WARS1: variants seen among roughly 807,000 people sequenced by gnomAD.
The protein encoded by WARS1 is tryptophan--tRNA ligase, cytoplasmic.
In WARS1, 17 loss-of-function variants were observed where a neutral mutation model predicts 47.8. That is an observed-to-expected ratio of 0.36 (90% CI 0.24 to 0.53). WARS1 has a LOEUF of 0.53. Ranked by LOEUF, WARS1 falls within the 20% of genes least tolerant of loss-of-function variation. The probability of loss-of-function intolerance (pLI) is 0.91; values close to 1 mark genes in which losing one functional copy is unlikely to be tolerated. For synonymous variants in WARS1, 208 were observed against 228.1 expected, an observed-to-expected ratio of 0.91 and a Z score of 0.79; for missense variants, 434 against 608.0, an observed-to-expected ratio of 0.71 and a Z score of 3.01.
intron 9 of WARS1, among the ~76,000 whole-genome samples, chr14:100,337,413 G>C (rs1383561087): frequency 6.6e-6 from 1 of 152,160 alleles, no homozygotes; most frequent in Non-Finnish European, 1.5e-5. Context: ...AGCTACTGTG[G>C]GGCTCACTGC....
rs1310015675 is a variant in WARS1, at chr14:100,351,869, T to C, written c.725+1818A>G. On this transcript the variant is annotated intron_variant, in intron 6 of 10. Transcript: ENST00000392882. ...TTAGCCGGACATGGTGGCGGGCACCTGTAGTCCCAGCTACTTGGGAGGCTG... is the reference window on the plus strand; with the variant it reads ...TTAGCCGGACATGGTGGCGGGCACCCGTAGTCCCAGCTACTTGGGAGGCTG... 2.6e-5 allele frequency among the ~76,000 whole-genome samples: 4 copies of C among 151,920 alleles called. No homozygotes were observed. In the East Asian group the frequency reaches 7.9e-4, roughly 30 times the overall value.
intron 9 of WARS1, among the ~76,000 whole-genome samples, chr14:100,340,846 G>T (rs769685642): frequency 6.6e-6 from 1 of 151,958 alleles, no homozygotes; most frequent in Non-Finnish European, 1.5e-5. Context: ...TGCTCACCTC[G>T]AGGGCTCTAC....
At chr14:100,352,644 G>A (rs1258464918) in intron 6 of WARS1, among the ~76,000 whole-genome samples, 1 of 152,200 alleles carries the variant, frequency 6.6e-6, no homozygotes, top group African/African-American at 2.4e-5. Context: ...TTTAGGGGAG[G>A]AGTAACACGT....
At chr14:100,368,952 A>C in intron 2 of WARS1, 135 bp downstream of exon 2, 8 of 464,720 alleles carry the variant, frequency 1.7e-5, no homozygotes, top group Non-Finnish European at 2.0e-5. Flanking sequence ...CAAGAGTGAA[A>C]TTCCCTCTCA....
chr14:100,367,201 C>T (rs532631616), intron 2 of WARS1, among the ~76,000 whole-genome samples: 38 of 151,840 alleles, frequency 2.5e-4, no homozygotes, highest in Admixed American at 1.1e-3. Context: ...ATCAGAGAAA[C>T]AGTCTCTGAA....
intron 2 of WARS1, chr14:100,365,980 T>G (rs1895963565): frequency 4.4e-6 from 2 of 455,598 alleles, no homozygotes; most frequent in Non-Finnish European, 8.8e-6. Context: ...AAGCGGGTTA[T>G]GAAAACAGGA....
At chr14:100,346,619 T>C in intron 7 of WARS1, 127 bp downstream of exon 7, 1 of 745,286 alleles carries the variant, frequency 1.3e-6, no homozygotes, top group Non-Finnish European at 2.2e-6. Flanking sequence ...CTGGGCATCC[T>C]ACTTAAAGAG....
upstream of WARS1, chr14:100,376,214 C>A (rs368395425): frequency 3.0e-6 from 1 of 331,722 alleles, no homozygotes; most frequent in African/African-American, 2.1e-5. Context: ...CCATCACTCC[C>A]TCCCTTGTTT....
intron 7 of WARS1, among the ~76,000 whole-genome samples, chr14:100,344,075 T>TCCCCACAGTC (rs1894358871): frequency 6.6e-6 from 1 of 151,814 alleles, no homozygotes; most frequent in African/African-American, 2.4e-5. Flanking sequence ...CTCTTCCCTC[T>TCCCCACAGTC]TCCCTCTCCC....
At position 100,369,103 on chromosome 14, in the gene WARS1, G is replaced by C; in HGVS notation, c.83C>G (p.Ala28Gly). The part of the protein sequence containing the change: ...TQGELVRSLK[A>G]GNASKDEIDS... ...ATCATGTACCTTTGACGCATTTCCC[G>C]CTTTGAGGGACCTTACGAGCTCCCC... is the stretch of plus-strand genomic sequence containing the variant. The change falls in exon 2 of 11, where the codon GCG becomes GGG. Residue 28 changes from alanine to glycine, a missense_variant. This residue lies in a region of WARS1 where 87 missense variants were observed against 84.2 expected (regional missense o/e 1.03). Transcript: ENST00000392882. 6.4e-7 allele frequency: 1 copy of C among 1,557,470 alleles called. No individual in the cohort carries two copies. Among genetic ancestry groups the C allele is most frequent in the East Asian group, 2.3e-5 (1 of 42,618 alleles).
chr14:100,339,590 CAAA>C (rs386382322), intron 9 of WARS1, among the ~76,000 whole-genome samples: 1 of 78,646 alleles, frequency 1.3e-5, no homozygotes, highest in Non-Finnish European at 2.2e-5. Context: ...GACTCCGTCT[CAAA>C]AAAAAAAAAA....
At chr14:100,364,465 G>A (rs977768488) in intron 2 of WARS1, among the ~76,000 whole-genome samples, 1 of 152,174 alleles carries the variant, frequency 6.6e-6, no homozygotes, top group Non-Finnish European at 1.5e-5. Context: ...TCTTAGAACT[G>A]GCACTCCCAA....
At chr14:100,368,998 T>C (rs1896175894) in intron 2 of WARS1, 89 bp downstream of exon 2, 7 of 936,636 alleles carry the variant, frequency 7.5e-6, no homozygotes, top group Non-Finnish European at 8.9e-6. Flanking sequence ...ACCTCAGTCA[T>C]TGAGGAAACC....
intron 2 of WARS1, among the ~76,000 whole-genome samples, chr14:100,366,376 C>G (rs1895995471): frequency 6.6e-6 from 1 of 152,198 alleles, no homozygotes; most frequent in African/African-American, 2.4e-5. Flanking sequence ...GGAAGTGGAA[C>G]CTATGTTGAT....
chr14:100,372,187 C>T (rs187635662), intron 1 of WARS1, among the ~76,000 whole-genome samples: 31 of 152,198 alleles, frequency 2.0e-4, no homozygotes, highest in Non-Finnish European at 2.9e-4. Context: ...GGACTCAGCC[C>T]GCCTGCAGCC....
chr14:100,347,336 A>G (rs932139806), intron 6 of WARS1, among the ~76,000 whole-genome samples: 1 of 152,146 alleles, frequency 6.6e-6, no homozygotes, highest in African/African-American at 2.4e-5. Flanking sequence ...GTTTCAGTGC[A>G]GCTGGTCCTC....
chr14:100,341,823 G>A (rs1050284378), intron 9 of WARS1, among the ~76,000 whole-genome samples: 3 of 152,230 alleles, frequency 2.0e-5, no homozygotes, highest in African/African-American at 7.2e-5. Context: ...GAGAAGACCA[G>A]CTCATAACCC....
At chr14:100,346,636 G>T in intron 7 of WARS1, 110 bp downstream of exon 7, 1 of 903,788 alleles carries the variant, frequency 1.1e-6, no homozygotes, top group Non-Finnish European at 1.8e-6. Context: ...AGAGACAGTT[G>T]CAAACGCTAA....
At chr14:100,342,224 G>C in intron 9 of WARS1, 174 bp downstream of exon 9, 1 of 800,804 alleles carries the variant, frequency 1.2e-6, no homozygotes, top group South Asian at 1.5e-5. Flanking sequence ...ATGTGGGAAG[G>C]ACAGGCTGCC....
Sources: gnomAD v4.1 joint callset for allele counts (sites outside exome capture counted in the v4.1 genomes callset) on GRCh38, gnomAD v4.1.1 for gene constraint, gnomAD v4.1.1 regional missense constraint, MANE v1.5 for transcripts, NCBI Gene and HGNC (gene_info 2026-07-23, HGNC 2026-07-21) for gene names.